Variants in CTNND2 observed in about 807,000 individuals in gnomAD.
The protein encoded by CTNND2 is catenin delta-2.
A neutral mutation model predicts 144.4 loss-of-function variants in CTNND2; 22 were observed. The observed-to-expected ratio is 0.15, with a 90% confidence interval of 0.11 to 0.22. CTNND2 has a LOEUF of 0.22. Among genes scored for constraint, CTNND2 ranks in the 10% least tolerant of loss-of-function variants. CTNND2 has a pLI of 1.00. For missense variants in CTNND2, 1,353 were observed against 1,618.8 expected, an observed-to-expected ratio of 0.84 and a Z score of 2.82; for synonymous variants, 751 against 695.6, an observed-to-expected ratio of 1.08 and a Z score of -1.25.
intron 1 of CTNND2, among the ~76,000 whole-genome samples, chr5:11,894,329 T>C (rs1737227881): frequency 6.6e-6 from 1 of 152,152 alleles, no homozygotes. Context: ...AAGAAACTTT[T>C]TGGGCCAATT....
chr5:11,304,633 C>T (rs1749987097), intron 9 of CTNND2, among the ~76,000 whole-genome samples: 1 of 152,154 alleles, frequency 6.6e-6, no homozygotes, highest in Admixed American at 6.5e-5. Flanking sequence ...TTGTTCCTTG[C>T]AAGAAAGGGG....
intron 1 of CTNND2, among the ~76,000 whole-genome samples, chr5:11,855,596 C>A (rs1795214649): frequency 6.6e-6 from 1 of 152,124 alleles, no homozygotes; most frequent in Admixed American, 6.5e-5. Context: ...GAAATACACA[C>A]AACTAAAAGC....
At chr5:11,439,003 GAGATGTAAACTACACT>G (rs1764015062) in intron 3 of CTNND2, among the ~76,000 whole-genome samples, 1 of 151,878 alleles carries the variant, frequency 6.6e-6, no homozygotes, top group African/African-American at 2.4e-5. Context: ...TGTTAGTTTT[GAGATGTAAACTACACT>G]AGTACCACCG....
At chr5:11,413,965 A>G (rs1761734098) in intron 3 of CTNND2, among the ~76,000 whole-genome samples, 1 of 152,194 alleles carries the variant, frequency 6.6e-6, no homozygotes, top group Admixed American at 6.5e-5. Flanking sequence ...GTGAATGGTA[A>G]CATATTTGGG....
chr5:11,094,795 G>A (rs1005688352), intron 15 of CTNND2, among the ~76,000 whole-genome samples: 2 of 152,106 alleles, frequency 1.3e-5, no homozygotes, highest in Non-Finnish European at 2.9e-5. Flanking sequence ...GTTGATTTCC[G>A]ATAAGGACAG....
chr5:11,004,734 C>G (rs1313236443), intron 18 of CTNND2, among the ~76,000 whole-genome samples: 1 of 147,520 alleles, frequency 6.8e-6, no homozygotes, highest in African/African-American at 2.5e-5. Context: ...TGCCATTACA[C>G]TCCAGCCTGG....
chr5:11,250,491 C>CTCTCTCTCTATATATATATATATA (rs869141186), intron 9 of CTNND2, among the ~76,000 whole-genome samples: 6 of 64,106 alleles, frequency 9.4e-5, no homozygotes, highest in Non-Finnish European at 1.5e-4. Context: ...CTCTCTCTCT[C>CTCTCTCTCTATATATATATATATA]TATATATATA....
chr5:11,493,941 A>C (rs1028463013), intron 3 of CTNND2, among the ~76,000 whole-genome samples: 1 of 149,826 alleles, frequency 6.7e-6, no homozygotes, highest in African/African-American at 2.4e-5. Context: ...ATAATTTAGA[A>C]TTATGAATTA....
In CTNND2 at chr5:11,235,075, A is replaced by C. The variant is rs572269894; in HGVS notation, c.1761+1616T>G. ...CCTTTTCAGGCCCTCTTGGTGTGTG[A>C]GTCATGCCAGCAACCTTGGCATCAG... On this transcript the variant is annotated intron_variant, in intron 10 of 21. Coordinates refer to ENST00000304623, the MANE Select transcript of CTNND2 (RefSeq NM_001332.4). 1.5e-4 allele frequency among the ~76,000 whole-genome samples: 23 copies of C among 152,246 alleles called. No homozygotes were observed. The Middle Eastern group carries it at 0.01, about 68-fold the overall frequency.
intron 9 of CTNND2, among the ~76,000 whole-genome samples, chr5:11,250,491 C>CTCTATATA (rs869141186): frequency 0.012 from 791 of 64,034 alleles, 10 homozygotes; most frequent in African/African-American, 0.028. Context: ...CTCTCTCTCT[C>CTCTATATA]TATATATATA....
chr5:11,865,338 C>T (rs1795712909), intron 1 of CTNND2, among the ~76,000 whole-genome samples: 1 of 152,122 alleles, frequency 6.6e-6, no homozygotes, highest in African/African-American at 2.4e-5. Context: ...GGCAGCCTAT[C>T]TGTCACTGAA....
At position 11,384,873 on chromosome 5, in the gene CTNND2, C is replaced by T. The variant is rs530182599; in HGVS notation, c.969G>A (p.Ser323=). 4 of 1,611,940 alleles carry T rather than the reference C, an allele frequency of 2.5e-6. No individual in the cohort carries two copies. Among genetic ancestry groups the T allele is most frequent in the African/African-American group, 1.3e-5 (1 of 74,922 alleles). The change falls in exon 7 of 22, where the codon TCG becomes TCA. Residue 323 remains serine (S), a synonymous_variant. Coordinates refer to ENST00000304623, the MANE Select transcript of CTNND2 (RefSeq NM_001332.4). The surrounding 1 kb of genome is among the most constrained non-coding windows in gnomAD (Gnocchi z 5.2). ...TSSPINIVVS[S]AGLSPIRVTS... ...TCACGCGGATCGGGGACAGGCCGGC[C>T]GAGGACACGACGATGTTGATGGGCG...
chr5:11,133,432 A>G (rs1755812662), intron 12 of CTNND2, among the ~76,000 whole-genome samples: 1 of 152,060 alleles, frequency 6.6e-6, no homozygotes, highest in Admixed American at 6.5e-5. Context: ...GGCTCACTGC[A>G]ACCTCTGCCT....
intron 7 of CTNND2, 78 bp from the exon 8 acceptor site, chr5:11,364,968 A>T (rs957093233): frequency 7.1e-6 from 9 of 1,272,876 alleles, no homozygotes; most frequent in Admixed American, 5.1e-5. Context: ...ACATATTCAA[A>T]TTTTTTTGGA....
At chr5:11,873,090 A>T (rs1735284602) in intron 1 of CTNND2, among the ~76,000 whole-genome samples, 1 of 152,186 alleles carries the variant, frequency 6.6e-6, no homozygotes, top group Non-Finnish European at 1.5e-5. Context: ...AAATTTTTGC[A>T]ATCTATCCAA....
In CTNND2 at chr5:10,999,924, C is replaced by T. The variant is rs140451640; in HGVS notation, c.3085-7247G>A. On this transcript the variant is annotated intron_variant, in intron 18 of 21. Coordinates refer to ENST00000304623, the MANE Select transcript of CTNND2 (RefSeq NM_001332.4). ...GCTACAATCGTCCATACGGGCATTT[C>T]CAATGTGCACGACAATCGGGCGATG... 5.5e-3 allele frequency among the ~76,000 whole-genome samples: 833 copies of T among 152,348 alleles called. 9 individuals are homozygous for T. Among genetic ancestry groups the T allele is most frequent in the Middle Eastern group, 0.014 (4 of 294 alleles).
intron 1 of CTNND2, among the ~76,000 whole-genome samples, chr5:11,806,590 T>C (rs1429799025): frequency 6.6e-6 from 1 of 152,160 alleles, no homozygotes; most frequent in East Asian, 1.9e-4. Context: ...ACAAGCAATG[T>C]GCAGATCTAA....
At chr5:11,131,664 C>T (rs188194819) in intron 12 of CTNND2, among the ~76,000 whole-genome samples, 92 of 152,278 alleles carry the variant, frequency 6.0e-4, no homozygotes, top group Non-Finnish European at 1.1e-3. Context: ...TGGCGGGCGC[C>T]TGTAGTCCCA....
chr5:11,174,459 A>G (rs1760260415), intron 11 of CTNND2, among the ~76,000 whole-genome samples: 1 of 152,178 alleles, frequency 6.6e-6, no homozygotes, highest in African/African-American at 2.4e-5. Flanking sequence ...TAATCTTGGG[A>G]TGGTTTGCTA....
Sources: gnomAD v4.1 joint callset for allele counts (sites outside exome capture counted in the v4.1 genomes callset) on GRCh38, gnomAD v4.1.1 for gene constraint, Gnocchi (gnomAD v3.1) non-coding constraint, MANE v1.5 for transcripts, NCBI Gene and HGNC (gene_info 2026-07-23, HGNC 2026-07-21) for gene names.